The following CDC42SE2 variants were observed in gnomAD, a reference collection of about 807,000 sequenced individuals.
CDC42SE2 encodes CDC42 small effector 2.
Under a neutral mutation model 11.5 loss-of-function variants are expected in CDC42SE2, and 3 were observed. That is an observed-to-expected ratio of 0.26 (90% CI 0.12 to 0.67). The LOEUF is 0.67. CDC42SE2 is among the 30% of genes least tolerant of loss of function. The pLI is 0.80. For missense variants in CDC42SE2, 82 were observed against 106.8 expected (o/e 0.77, Z 1.02); for synonymous variants, 33 against 34.8 (o/e 0.95, Z 0.18).
At chr5:131,305,719 T>A (rs1580742810) in intron 1 of CDC42SE2, among the ~76,000 whole-genome samples, 1 of 152,350 alleles carries the variant, frequency 6.6e-6, no homozygotes, top group East Asian at 1.9e-4. Context: ...TTCAATCCAT[T>A]AATTGTTTCC....
Position 131,247,703 on chromosome 5 carries a change from G to A in CDC42SE2, n.107+2104G>A, listed in dbSNP as rs1287430565. On this transcript the variant is annotated intron_variant and non_coding_transcript_variant, in intron 1 of 3. Coordinates refer to the CDC42SE2 transcript ENST00000502840. The stretch of plus-strand genomic sequence containing the variant: ...CTCACTCAGGCTGGAGTGCAGTGGC[G>A]GGATCATAGCTCATTGTAACCTGGA... 2.6e-5 allele frequency among the ~76,000 whole-genome samples: 4 copies of A among 152,090 alleles called. No homozygotes were observed. The South Asian group carries it at 6.2e-4, about 24-fold the overall frequency.
intron 2 of CDC42SE2, among the ~76,000 whole-genome samples, chr5:131,334,796 G>A (rs1580760912): frequency 6.6e-6 from 1 of 152,290 alleles, no homozygotes; most frequent in East Asian, 1.9e-4. Context: ...GTATTTCTGT[G>A]GGATGGGTGG....
At chr5:131,299,626 T>A (rs752938375) in intron 1 of CDC42SE2, among the ~76,000 whole-genome samples, 7 of 152,182 alleles carry the variant, frequency 4.6e-5, no homozygotes, top group Non-Finnish European at 1.0e-4. Flanking sequence ...CCTGTGGAGC[T>A]GCACTACATG....
intron 1 of CDC42SE2, among the ~76,000 whole-genome samples, chr5:131,272,662 T>C (rs566918350): frequency 1.3e-4 from 20 of 152,310 alleles, no homozygotes; most frequent in Non-Finnish European, 2.5e-4. Context: ...TATCAGCATA[T>C]AGATGTATTG....
chr5:131,352,858 T>A (rs981955771), intron 2 of CDC42SE2, among the ~76,000 whole-genome samples: 2 of 152,218 alleles, frequency 1.3e-5, no homozygotes, highest in Admixed American at 6.5e-5. Flanking sequence ...CCTTCCCCAG[T>A]AATTTTACCA....
intron 2 of CDC42SE2, among the ~76,000 whole-genome samples, chr5:131,341,535 A>G (rs532096070): frequency 6.6e-6 from 1 of 152,220 alleles, no homozygotes; most frequent in African/African-American, 2.4e-5. Context: ...ATTTTACAAC[A>G]TAAGTGAGAA....
chr5:131,359,793 A>G (rs565778417), intron 3 of CDC42SE2, among the ~76,000 whole-genome samples: 6 of 152,290 alleles, frequency 3.9e-5, no homozygotes, highest in Admixed American at 2.6e-4. Flanking sequence ...TCTTCTGTCA[A>G]ATAGCTTCTG....
intron 1 of CDC42SE2, among the ~76,000 whole-genome samples, chr5:131,276,168 CA>C (rs1208339851): frequency 2.0e-5 from 3 of 149,170 alleles, no homozygotes; most frequent in African/African-American, 7.4e-5. Flanking sequence ...AAATCTTGGC[CA>C]GGTGCGATAG....
intron 2 of CDC42SE2, among the ~76,000 whole-genome samples, chr5:131,328,099 A>T (rs1758336293): frequency 6.6e-6 from 1 of 152,300 alleles, no homozygotes; most frequent in East Asian, 1.9e-4. Flanking sequence ...ATAGTCTTAA[A>T]TATGATGACA....
At chr5:131,330,990 C>T (rs1034246274) in intron 2 of CDC42SE2, among the ~76,000 whole-genome samples, 1 of 152,036 alleles carries the variant, frequency 6.6e-6, no homozygotes, top group African/African-American at 2.4e-5. Context: ...TGCACCATTG[C>T]CCTGCAGCCT....
intron 2 of CDC42SE2, among the ~76,000 whole-genome samples, chr5:131,348,715 G>A (rs1421092755): frequency 6.6e-6 from 1 of 152,138 alleles, no homozygotes; most frequent in Non-Finnish European, 1.5e-5. Flanking sequence ...CAAAGGTGGA[G>A]GCATCACACT....
chr5:131,390,409 G>T (rs1006940217), intron 4 of CDC42SE2, among the ~76,000 whole-genome samples: 1 of 152,114 alleles, frequency 6.6e-6, no homozygotes, highest in Non-Finnish European at 1.5e-5. Context: ...GATCGGCCGG[G>T]TGCGGTGGCT....
At chr5:131,233,852 C>G in the CDC42SE2 span, among the ~76,000 whole-genome samples, 1 of 152,146 alleles carries the variant, frequency 6.6e-6, no homozygotes, top group Non-Finnish European at 1.5e-5. Context: ...ATGTACCCCT[C>G]TCCATACTTT....
intron 2 of CDC42SE2, among the ~76,000 whole-genome samples, chr5:131,336,298 C>T (rs1051696956): frequency 1.3e-5 from 2 of 152,070 alleles, no homozygotes; most frequent in Admixed American, 6.5e-5. Context: ...GAATATTGTC[C>T]CCCACTCTCT....
At chr5:131,255,074 A>G (rs1334830100) in intron 1 of CDC42SE2, 1 of 152,160 alleles carries the variant, frequency 6.6e-6, no homozygotes, top group Non-Finnish European at 1.5e-5. Flanking sequence ...ATCGCTTATC[A>G]TTTATTTATG....
intron 1 of CDC42SE2, among the ~76,000 whole-genome samples, chr5:131,275,063 T>C (rs1183422983): frequency 2.0e-5 from 3 of 152,106 alleles, no homozygotes; most frequent in Non-Finnish European, 4.4e-5. Flanking sequence ...TCAATTTTTG[T>C]GTATGTAAAG....
At chr5:131,269,918 G>A (rs928738989) in intron 1 of CDC42SE2, among the ~76,000 whole-genome samples, 2 of 149,196 alleles carry the variant, frequency 1.3e-5, no homozygotes, top group Non-Finnish European at 3.0e-5. Context: ...AGAGTTAGCC[G>A]GGCGCGGTGG....
At chr5:131,235,914 C>G in the CDC42SE2 span, among the ~76,000 whole-genome samples, 2 of 152,144 alleles carry the variant, frequency 1.3e-5, no homozygotes, top group Admixed American at 1.3e-4. Context: ...ATAATTTTAC[C>G]AGCTATCTGG....
intron 1 of CDC42SE2, among the ~76,000 whole-genome samples, chr5:131,246,215 G>A (rs900170833): frequency 2.0e-4 from 30 of 152,176 alleles, no homozygotes; most frequent in Admixed American, 1.1e-3. Flanking sequence ...CAGCGCTTTG[G>A]GAGGCTGCAG....
Sources: gnomAD v4.1 joint callset for allele counts (sites outside exome capture counted in the v4.1 genomes callset) on GRCh38, gnomAD v4.1.1 for gene constraint, MANE v1.5 for transcripts, NCBI Gene and HGNC (gene_info 2026-07-23, HGNC 2026-07-21) for gene names.